The following JPH1 variants were observed in gnomAD, a reference collection of about 807,000 sequenced individuals.
JPH1 encodes junctophilin-1.
JPH1 carries 12 observed loss-of-function variants against 53.6 expected under a neutral mutation model. That is an observed-to-expected ratio of 0.22 (90% confidence interval 0.14 to 0.36). The LOEUF (loss-of-function observed/expected upper bound fraction) is 0.36. Ranked by LOEUF, JPH1 falls within the 10% of genes least tolerant of loss-of-function variation. The probability of loss-of-function intolerance (pLI) is 1.00; values close to 1 mark genes in which losing one functional copy is unlikely to be tolerated. For missense variants in JPH1, 808 were observed against 905.5 expected (o/e 0.89, Z 1.38); for synonymous variants, 375 against 363.8 (o/e 1.03, Z -0.35).
intron 2 of JPH1, among the ~76,000 whole-genome samples, chr8:74,291,117 C>T (rs1807313343): frequency 6.6e-6 from 1 of 152,026 alleles, no homozygotes; most frequent in Admixed American, 6.6e-5. Context: ...CAACAAAAGC[C>T]AAAATTGACA....
intron 2 of JPH1, among the ~76,000 whole-genome samples, chr8:74,309,192 A>G (rs1229784752): frequency 6.6e-6 from 1 of 152,162 alleles, no homozygotes; most frequent in African/African-American, 2.4e-5. Context: ...CATCACTGAC[A>G]CTTCCTGGTA....
rs1160179503 is a variant in JPH1 at position 74,283,944 on chromosome 8, G to T, written c.1140-24441C>A. 2.6e-5 allele frequency among the ~76,000 whole-genome samples: 4 copies of T among 152,210 alleles called. 1 individual carries two copies. In the East Asian group the frequency reaches 7.7e-4, roughly 29 times the overall value. On this transcript the variant is annotated intron_variant, in intron 2 of 5. Coordinates refer to ENST00000342232, the MANE Select transcript of JPH1 (RefSeq NM_020647.4). ...ACAGTGGCAAGTAGCGCTTGGATGG[G>T]ATTTAAAGTCTGAGACTTTCTCCTT...
chr8:74,275,723 T>C (rs751629710), intron 2 of JPH1, among the ~76,000 whole-genome samples: 5 of 152,062 alleles, frequency 3.3e-5, no homozygotes, highest in Non-Finnish European at 5.9e-5. Context: ...CAACAGACAA[T>C]GGGAGCATAA....
At chr8:74,317,031 A>C (rs1563425710) in intron 1 of JPH1, among the ~76,000 whole-genome samples, 1 of 152,222 alleles carries the variant, frequency 6.6e-6, no homozygotes, top group Non-Finnish European at 1.5e-5. Flanking sequence ...GATTATATAG[A>C]TCTACCCTGC....
At chr8:74,290,969 C>T (rs534318329) in intron 2 of JPH1, among the ~76,000 whole-genome samples, 2 of 152,290 alleles carry the variant, frequency 1.3e-5, no homozygotes, top group East Asian at 3.9e-4. Flanking sequence ...ACACCTTATA[C>T]AAAAATTAAT....
intron 4 of JPH1, among the ~76,000 whole-genome samples, chr8:74,244,124 C>T (rs892995180): frequency 4.6e-5 from 7 of 152,198 alleles, no homozygotes; most frequent in African/African-American, 1.7e-4. Flanking sequence ...GAACTAAGAA[C>T]TTGTTGGTGC....
At chr8:74,255,247 T>C (rs1401714772) in intron 3 of JPH1, among the ~76,000 whole-genome samples, 1 of 152,086 alleles carries the variant, frequency 6.6e-6, no homozygotes, top group Non-Finnish European at 1.5e-5. Flanking sequence ...GCTGCATATC[T>C]ACAACTATCT....
Position 74,320,382 on chromosome 8 carries a change from G to C in JPH1, c.379+527C>G, listed in dbSNP as rs960938058. Among the ~76,000 whole-genome samples, 5 of 152,116 alleles carry C rather than the reference G, an allele frequency of 3.3e-5. No individual in the cohort carries two copies. Among genetic ancestry groups the C allele is most frequent in the Non-Finnish European group, 7.4e-5 (5 of 68,026 alleles). Reference sequence around the variant, plus strand: ...CCAACATCCTAGTTACGGGGTTCTGGCTTCTATCTTTAGGCTACTGGAGGA... The same window carrying C: ...CCAACATCCTAGTTACGGGGTTCTGCCTTCTATCTTTAGGCTACTGGAGGA... On this transcript the variant is annotated intron_variant, in intron 1 of 5. Transcript: ENST00000342232. The surrounding 1 kb of genome is among the most constrained non-coding windows in gnomAD (Gnocchi z 4.4).
intron 2 of JPH1, among the ~76,000 whole-genome samples, chr8:74,265,654 A>G (rs1410507790): frequency 6.6e-6 from 1 of 152,224 alleles, no homozygotes; most frequent in Non-Finnish European, 1.5e-5. Flanking sequence ...AAATAAAATG[A>G]AAACTTCTCT....
At chr8:74,249,134 T>C (rs1805957694) in intron 3 of JPH1, among the ~76,000 whole-genome samples, 1 of 152,142 alleles carries the variant, frequency 6.6e-6, no homozygotes, top group African/African-American at 2.4e-5. Flanking sequence ...TGAACAGATA[T>C]GGCAGATGGT....
At chr8:74,308,986 T>C (rs1437937239) in intron 2 of JPH1, among the ~76,000 whole-genome samples, 4 of 152,226 alleles carry the variant, frequency 2.6e-5, no homozygotes. Context: ...GAAAAGTATG[T>C]ATCGTTTTTA....
chr8:74,253,181 T>A (rs1257557237), intron 3 of JPH1, among the ~76,000 whole-genome samples: 1 of 152,064 alleles, frequency 6.6e-6, no homozygotes, highest in Admixed American at 6.5e-5. Flanking sequence ...ACAGAAATTA[T>A]AACAAACTAT....
rs189092242 is a variant in JPH1, at chr8:74,259,185, C to G, written c.1258+200G>C. Among the ~76,000 whole-genome samples the G allele has an allele frequency of 2.1e-4, 32 of 152,302 alleles. 1 individual carries two copies. The East Asian group carries it at 6.0e-3, about 28-fold the overall frequency. ...TGTACATGCAAATACAGAAAAATAT[C>G]AACAAATCTGAAATCTGAAACACTT... On this transcript the variant is annotated intron_variant, in intron 3 of 5. Coordinates refer to ENST00000342232, the MANE Select transcript of JPH1 (RefSeq NM_020647.4).
At chr8:74,243,602 G>A (rs1478407909) in intron 4 of JPH1, among the ~76,000 whole-genome samples, 1 of 152,146 alleles carries the variant, frequency 6.6e-6, no homozygotes, top group African/African-American at 2.4e-5. Context: ...ACACCATTAT[G>A]CAAATATGTC....
At chr8:74,281,639 C>A (rs569545895) in intron 2 of JPH1, among the ~76,000 whole-genome samples, 1 of 152,182 alleles carries the variant, frequency 6.6e-6, no homozygotes, top group Admixed American at 6.5e-5. Context: ...AAACTCCAAG[C>A]CTGGGGATCA....
intron 3 of JPH1, among the ~76,000 whole-genome samples, chr8:74,248,745 G>A (rs1805941888): frequency 6.6e-6 from 1 of 152,176 alleles, no homozygotes; most frequent in Non-Finnish European, 1.5e-5. Context: ...AGTTTTTCCT[G>A]GACTATTTTC....
intron 2 of JPH1, among the ~76,000 whole-genome samples, chr8:74,270,822 G>A (rs1806676674): frequency 6.6e-6 from 1 of 152,092 alleles, no homozygotes; most frequent in Non-Finnish European, 1.5e-5. Context: ...CCAGCAGCCT[G>A]CTGTCTGCCT....
At position 74,266,654 on chromosome 8, in the gene JPH1, T is replaced by C. The variant is rs1169489832; in HGVS notation, c.1140-7151A>G. On this transcript the variant is annotated intron_variant, in intron 2 of 5. Transcript: ENST00000342232. ...GGGTCTACTACTATTGAAATGTATA[T>C]ACTTAAATGGTCAAGATGGTAAATT... Among the ~76,000 whole-genome samples, 9 of 152,228 alleles carry C rather than the reference T, an allele frequency of 5.9e-5. No homozygotes were observed. In the South Asian group the frequency reaches 1.0e-3, roughly 18 times the overall value.
intron 2 of JPH1, 96 bp downstream of exon 2, chr8:74,314,764 GC>G: frequency 2.2e-6 from 3 of 1,348,988 alleles, no homozygotes; most frequent in Non-Finnish European, 3.1e-6. Flanking sequence ...GTTGTAGAAA[GC>G]ATTTAGCGAT....
Sources: gnomAD v4.1 joint callset for allele counts (sites outside exome capture counted in the v4.1 genomes callset) on GRCh38, gnomAD v4.1.1 for gene constraint, Gnocchi (gnomAD v3.1) non-coding constraint, MANE v1.5 for transcripts, NCBI Gene and HGNC (gene_info 2026-07-23, HGNC 2026-07-21) for gene names.